The following PTK7 variants were observed in gnomAD, a reference collection of about 807,000 sequenced individuals.
The protein encoded by PTK7 is protein tyrosine kinase 7 (inactive).
A neutral mutation model predicts 116.6 loss-of-function variants in PTK7; 39 were observed. The observed-to-expected ratio is 0.33, with a 90% CI of 0.26 to 0.44. The LOEUF is 0.44. Among genes scored for constraint, PTK7 ranks in the 20% least tolerant of loss-of-function variants. The pLI is 1.00. For missense variants in PTK7, 1,169 were observed against 1,425.6 expected (o/e 0.82, Z 2.90); for synonymous variants, 546 against 563.6 (o/e 0.97, Z 0.44).
rs377338074 is a variant in PTK7, at chr6:43,139,550, A to G, written c.1618+25A>G. On this transcript the variant is annotated intron_variant, in intron 10 of 19. Coordinates refer to ENST00000230419, the MANE Select transcript of PTK7 (RefSeq NM_002821.5). The surrounding 1 kb of genome is among the most constrained non-coding windows in gnomAD (Gnocchi z 4.6). ...GGTGGGTACAGTGCCGGCATAGGGT[A>G]GGGGCAGGCAGGCAGTTCACTGATC... The G allele has an allele frequency of 5.1e-5, 83 of 1,612,848 alleles. No homozygotes were observed. Among genetic ancestry groups the G allele is most frequent in the Non-Finnish European group, 6.7e-5 (79 of 1,179,744 alleles).
At chr6:43,103,586 C>A (rs1767701240) in intron 1 of PTK7, among the ~76,000 whole-genome samples, 1 of 152,140 alleles carries the variant, frequency 6.6e-6, no homozygotes. Context: ...CATCCCCCCA[C>A]CTTGGGGCTG....
chr6:43,093,522 G>A (rs932379309), intron 1 of PTK7, among the ~76,000 whole-genome samples: 1 of 152,116 alleles, frequency 6.6e-6, no homozygotes, highest in Admixed American at 6.6e-5. Flanking sequence ...GGAGCTCAGA[G>A]GATGGAGACC....
chr6:43,140,450 C>T (rs1770329712), intron 10 of PTK7, among the ~76,000 whole-genome samples: 1 of 129,238 alleles, frequency 7.7e-6, no homozygotes, highest in Non-Finnish European at 1.6e-5. Context: ...GAGACTCCAT[C>T]TCAAAAAAAA....
At chr6:43,118,064 A>T (rs868508955) in intron 1 of PTK7, among the ~76,000 whole-genome samples, 20 of 150,018 alleles carry the variant, frequency 1.3e-4, no homozygotes, top group Non-Finnish European at 3.0e-4. Flanking sequence ...GGGCAGTCAG[A>T]GGAACTAGGG....
chr6:43,106,431 C>T (rs1767890938), intron 1 of PTK7, among the ~76,000 whole-genome samples: 1 of 151,884 alleles, frequency 6.6e-6, no homozygotes, highest in Admixed American at 6.6e-5. Context: ...TTGCAGCCTC[C>T]CAGGTGGCTG....
chr6:43,122,606 C>CT (rs750933412), intron 1 of PTK7, among the ~76,000 whole-genome samples: 2,527 of 123,764 alleles, frequency 0.02, 70 homozygotes, highest in South Asian at 0.056. Flanking sequence ...GGGACTGAAT[C>CT]TTTTTTTTTT....
At chr6:43,105,875 T>C (rs142292663) in intron 1 of PTK7, among the ~76,000 whole-genome samples, 182 of 152,308 alleles carry the variant, frequency 1.2e-3, no homozygotes, top group African/African-American at 4.1e-3. Context: ...CCTCCAGAGC[T>C]GCGAGAGGAT....
At chr6:43,157,364 A>ATATATATATATT in intron 17 of PTK7, among the ~76,000 whole-genome samples, 1 of 54,350 alleles carries the variant, frequency 1.8e-5, no homozygotes, top group Non-Finnish European at 3.3e-5. Context: ...ATATATATAT[A>ATATATATATATT]TTTTTTTTTT....
intron 1 of PTK7, among the ~76,000 whole-genome samples, chr6:43,091,089 C>G (rs554126964): frequency 2.6e-5 from 4 of 152,006 alleles, no homozygotes; most frequent in South Asian, 4.2e-4. Flanking sequence ...GAACTGACTT[C>G]TGGCTCCACA....
At position 43,130,341 on chromosome 6, in the gene PTK7, T is replaced by C. The variant is rs1323116621; in HGVS notation, c.582T>C (p.His194=). ...NLTLRPAGPE[H]SGLYSCCAHS... ...CGCTCCGGCCAGCTGGTCCTGAGCA[T>C]AGTGGGCTGTATTCCTGCTGCGCCC... is the stretch of plus-strand genomic sequence containing the variant. Residue 194 remains histidine (H), a synonymous_variant, in exon 4 of 20, where the codon CAT becomes CAC. Coordinates refer to ENST00000230419, the MANE Select transcript of PTK7 (RefSeq NM_002821.5). 4.3e-6 allele frequency: 7 copies of C among 1,612,870 alleles called. No homozygotes were observed. The highest frequency in any genetic ancestry group is 5.9e-6 in the Non-Finnish European group (7 of 1,179,394).
At chr6:43,148,070 T>G (rs1736005803) in intron 17 of PTK7, among the ~76,000 whole-genome samples, 1 of 151,828 alleles carries the variant, frequency 6.6e-6, no homozygotes, top group African/African-American at 2.4e-5. Flanking sequence ...CTGGGCAACA[T>G]AGTAAGACCC....
chr6:43,121,428 A>G (rs1365323449), intron 1 of PTK7, among the ~76,000 whole-genome samples: 1 of 152,238 alleles, frequency 6.6e-6, no homozygotes, highest in Non-Finnish European at 1.5e-5. Flanking sequence ...GTCCCAGGAT[A>G]GGAAAACTCA....
chr6:43,109,996 C>T (rs2150401225), intron 1 of PTK7, among the ~76,000 whole-genome samples: 1 of 131,742 alleles, frequency 7.6e-6, no homozygotes, highest in African/African-American at 3.0e-5. Context: ...CCATGCCCGG[C>T]CTTTTTTTTT....
intron 1 of PTK7, among the ~76,000 whole-genome samples, chr6:43,112,214 A>G (rs1474682027): frequency 1.3e-5 from 2 of 152,068 alleles, no homozygotes; most frequent in African/African-American, 4.8e-5. Context: ...GCTCTGCAGG[A>G]TAGAGAGCAG....
chr6:43,158,915 C>G lies in PTK7; in HGVS notation c.2820C>G (p.Ala940=), dbSNP rs1350805231. Residue 940 remains alanine, a synonymous_variant, in exon 18 of 20, where the codon GCC becomes GCG. Coordinates refer to ENST00000230419, the MANE Select transcript of PTK7 (RefSeq NM_002821.5). ...CTGCGCGTAACTGCCTGGTCAGTGCCCAGAGACAAGTGAAGGTGTCTGCCC... is the reference window on the plus strand; with the variant it reads ...CTGCGCGTAACTGCCTGGTCAGTGCGCAGAGACAAGTGAAGGTGTCTGCCC... ...DLAARNCLVS[A]QRQVKVSALG... 1 of 1,614,160 alleles carries G rather than the reference C, an allele frequency of 6.2e-7. No individual in the cohort carries two copies. The highest frequency in any genetic ancestry group is 8.5e-7 in the Non-Finnish European group (1 of 1,180,038).
intron 18 of PTK7, 87 bp from the exon 19 acceptor site, chr6:43,159,701 G>C: frequency 7.1e-7 from 1 of 1,408,356 alleles, no homozygotes; most frequent in Non-Finnish European, 1.0e-6. Flanking sequence ...CCCCGGCTTG[G>C]GGATGCGTTC....
chr6:43,155,108 C>T (rs752711988), intron 17 of PTK7, among the ~76,000 whole-genome samples: 16 of 152,296 alleles, frequency 1.1e-4, no homozygotes, highest in South Asian at 2.1e-4. Context: ...CTGGCTGCAG[C>T]CCCCCATCAA....
Position 43,129,220 on chromosome 6 carries a change from C to T in PTK7, c.323C>T (p.Thr108Ile), listed in dbSNP as rs142038312. The change falls in exon 2 of 20, where the codon ACT becomes ATT. Residue 108 changes from threonine (T) to isoleucine (I), a missense_variant. By Grantham distance (89) the Thr-to-Ile change is moderately conservative (BLOSUM62 -1). Around this residue, in one of 3 missense-constraint regions of PTK7, gnomAD observed 487 missense variants for 549.8 expected, o/e 0.89. Coordinates refer to ENST00000230419, the MANE Select transcript of PTK7 (RefSeq NM_002821.5). The surrounding 1 kb of genome is among the most constrained non-coding windows in gnomAD (Gnocchi z 4.5). ...CAGTGTGTGGCTCGGGATGATGTCACTGGAGAAGAAGCCCGCAGTGCCAAC... is the reference window on the plus strand; with the variant it reads ...CAGTGTGTGGCTCGGGATGATGTCATTGGAGAAGAAGCCCGCAGTGCCAAC... ...TFQCVARDDV[T>I]GEEARSANAS... 1.9e-6 allele frequency: 3 copies of T among 1,614,022 alleles called. No homozygotes were observed. The highest frequency in any genetic ancestry group is 1.3e-5 in the African/African-American group (1 of 74,918).
At chr6:43,092,060 A>C (rs894918646) in intron 1 of PTK7, among the ~76,000 whole-genome samples, 4 of 152,034 alleles carry the variant, frequency 2.6e-5, no homozygotes, top group African/African-American at 9.7e-5. Flanking sequence ...ATGGGGCTTC[A>C]CCATGTTGGT....
Sources: gnomAD v4.1 joint callset for allele counts (sites outside exome capture counted in the v4.1 genomes callset) on GRCh38, gnomAD v4.1.1 for gene constraint, gnomAD v4.1.1 regional missense constraint, Gnocchi (gnomAD v3.1) non-coding constraint, MANE v1.5 for transcripts, NCBI Gene and HGNC (gene_info 2026-07-23, HGNC 2026-07-21) for gene names.